CLEC2B: variants seen among roughly 807,000 people sequenced by gnomAD.
CLEC2B encodes C-type (calcium dependent, carbohydrate-recognition domain) lectin, superfamily member 2 (activation-induced).
In CLEC2B, 14 loss-of-function variants were observed where a neutral mutation model predicts 16.2. The observed-to-expected ratio is 0.86, with a 90% CI of 0.57 to 1.35. The LOEUF (loss-of-function observed/expected upper bound fraction) is 1.35, where lower values mean the gene tolerates loss of function less well. CLEC2B is among the 40% of genes most tolerant of loss of function. The pLI is 0.00. For synonymous variants in CLEC2B, 42 were observed against 55.8 expected, an observed-to-expected ratio of 0.75 and a Z score of 1.10; for missense variants, 166 against 182.3, an observed-to-expected ratio of 0.91 and a Z score of 0.52.
chr12:9,860,429 A>G (rs2136979337), intron 2 of CLEC2B, among the ~76,000 whole-genome samples: 1 of 151,940 alleles, frequency 6.6e-6, no homozygotes, highest in Non-Finnish European at 1.5e-5. Flanking sequence ...ATTGCATTAT[A>G]GCGCATTGAG....
At chr12:9,858,686 G>A (rs61914643) in intron 2 of CLEC2B, among the ~76,000 whole-genome samples, 21,297 of 151,626 alleles carry the variant, frequency 0.14, 1,567 homozygotes, top group Non-Finnish European at 0.16. Flanking sequence ...CATACACAGT[G>A]TGTATATATA....
At position 9,853,168 on chromosome 12, in the gene CLEC2B, T is replaced by C. The variant is rs1867863739; in HGVS notation, c.*132A>G. ...GCCAATCTTTGAAGTGGCTTTTATGTGTAGCCTGACACGTAAGCAGAATTA... is the reference window on the plus strand; with the variant it reads ...GCCAATCTTTGAAGTGGCTTTTATGCGTAGCCTGACACGTAAGCAGAATTA... On this transcript the variant is annotated 3_prime_UTR_variant, in exon 5 of 5. Coordinates refer to ENST00000228438, the MANE Select transcript of CLEC2B (RefSeq NM_005127.3). 4.3e-6 allele frequency: 3 copies of C among 692,938 alleles called. No homozygotes were observed. The highest frequency in any genetic ancestry group is 1.8e-5 in the African/African-American group (1 of 56,478). The allele number at this position is 692,938 out of a possible 1,614,324, so 42.9% of individuals were successfully genotyped here.
chr12:9,859,668 T>C (rs373875642), intron 2 of CLEC2B, among the ~76,000 whole-genome samples: 1 of 151,688 alleles, frequency 6.6e-6, no homozygotes, highest in African/African-American at 2.4e-5. Flanking sequence ...TTTCAGAAAA[T>C]AGGATAGGAG....
chr12:9,857,154 C>A, intron 3 of CLEC2B: 1 of 184,336 alleles, frequency 5.4e-6, no homozygotes. Context: ...ATGCAGAATC[C>A]CCTCCTTCCT....
intron 4 of CLEC2B, 55 bp from the exon 5 acceptor site, chr12:9,853,463 G>T: frequency 7.0e-7 from 1 of 1,429,758 alleles, no homozygotes; most frequent in South Asian, 1.2e-5. Flanking sequence ...CTTGCCCATG[G>T]ACACCTTTAA....
At chr12:9,864,307 G>A (rs11615049) in intron 1 of CLEC2B, among the ~76,000 whole-genome samples, 42,594 of 151,864 alleles carry the variant, frequency 0.28, 6,145 homozygotes, top group South Asian at 0.34. Context: ...AAATGCTAAA[G>A]GGAGTTCTTC....
intron 1 of CLEC2B, among the ~76,000 whole-genome samples, chr12:9,868,823 A>G (rs777329461): frequency 6.6e-6 from 1 of 152,154 alleles, no homozygotes; most frequent in Non-Finnish European, 1.5e-5. Context: ...ACCATCCAAT[A>G]AAGCAATCTT....
chr12:9,861,460 T>G (rs904392271), intron 2 of CLEC2B, among the ~76,000 whole-genome samples: 2 of 152,164 alleles, frequency 1.3e-5, no homozygotes, highest in South Asian at 4.1e-4. Context: ...GGAATTCTCA[T>G]ATACTTCTGC....
chr12:9,863,817 G>T (rs1327418154), intron 1 of CLEC2B, among the ~76,000 whole-genome samples: 1 of 152,086 alleles, frequency 6.6e-6, no homozygotes, highest in African/African-American at 2.4e-5. Context: ...TACTGCAAAA[G>T]ACCATATCTA....
At chr12:9,865,530 A>G (rs1297080653) in intron 1 of CLEC2B, among the ~76,000 whole-genome samples, 1 of 152,222 alleles carries the variant, frequency 6.6e-6, no homozygotes, top group Non-Finnish European at 1.5e-5. Flanking sequence ...ACATTCATTG[A>G]TCTAAAGGGA....
chr12:9,853,041 C>G lies in CLEC2B; in HGVS notation c.*259G>C. 1 of 170,036 alleles carries G rather than the reference C, an allele frequency of 5.9e-6. No homozygotes were observed. Among genetic ancestry groups the G allele is most frequent in the East Asian group, 1.3e-4 (1 of 7,458 alleles). 10.5% of individuals were successfully genotyped at this position (170,036 alleles called of 1,614,324 possible). A position where few individuals can be genotyped will look rare whatever the true frequency, so the allele number is the denominator to read the frequency against. ...TGTCCTTGATCCCCACAATTGTTTT[C>G]TGGTTTACAGTTAAAAAAAGAAAGA... On this transcript the variant is annotated 3_prime_UTR_variant, in exon 5 of 5. Coordinates refer to ENST00000228438, the MANE Select transcript of CLEC2B (RefSeq NM_005127.3).
At chr12:9,864,374 ATAAAAT>A (rs1346667908) in intron 1 of CLEC2B, among the ~76,000 whole-genome samples, 1 of 152,220 alleles carries the variant, frequency 6.6e-6, no homozygotes, top group Non-Finnish European at 1.5e-5. Flanking sequence ...AAATACACTG[ATAAAAT>A]TAAGTGTATG....
At chr12:9,864,954 A>G (rs893637083) in intron 1 of CLEC2B, among the ~76,000 whole-genome samples, 2 of 152,126 alleles carry the variant, frequency 1.3e-5, no homozygotes, top group Admixed American at 6.6e-5. Context: ...AGGCCAAGGC[A>G]GGCAGATCAT....
chr12:9,852,975 T>G lies in CLEC2B; in HGVS notation c.*325A>C. 4.4e-6 allele frequency: 1 copy of G among 227,402 alleles called. No individual in the cohort carries two copies. Among genetic ancestry groups the G allele is most frequent in the Non-Finnish European group, 8.8e-6 (1 of 113,866 alleles). 14.1% of individuals were successfully genotyped at this position (227,402 alleles called of 1,614,324 possible). A position where few individuals can be genotyped will look rare whatever the true frequency, so the allele number is the denominator to read the frequency against. The stretch of plus-strand genomic sequence containing the variant: ...ATCTCCTATTCTGGTACTCAAATTG[T>G]TCCATATTGGGTCATGAAAGTCCTG... On this transcript the variant is annotated 3_prime_UTR_variant, in exon 5 of 5. Coordinates refer to ENST00000228438, the MANE Select transcript of CLEC2B (RefSeq NM_005127.3).
chr12:9,862,375 AAT>A (rs940562501), intron 2 of CLEC2B, 122 bp downstream of exon 2: 20 of 866,568 alleles, frequency 2.3e-5, no homozygotes, highest in Non-Finnish European at 1.9e-5. Context: ...CATTTGTACC[AAT>A]TAAATGTTAT....
At chr12:9,866,387 C>G (rs1269856067) in intron 1 of CLEC2B, among the ~76,000 whole-genome samples, 1 of 151,894 alleles carries the variant, frequency 6.6e-6, no homozygotes, top group Non-Finnish European at 1.5e-5. Context: ...CTTGATCAAA[C>G]CTTTGTGGCA....
intron 1 of CLEC2B, among the ~76,000 whole-genome samples, chr12:9,868,078 T>C (rs1261809457): frequency 4.0e-5 from 6 of 150,456 alleles, no homozygotes; most frequent in Admixed American, 3.3e-4. Flanking sequence ...TTCAGATATA[T>C]ATGTATCTAT....
chr12:9,865,208 AGTTAAAGTGGCT>A (rs1867962328), intron 1 of CLEC2B, among the ~76,000 whole-genome samples: 1 of 150,700 alleles, frequency 6.6e-6, no homozygotes, highest in African/African-American at 2.4e-5. Flanking sequence ...AAAAGCATAA[AGTTAAAGTGGCT>A]GACTTGGTAA....
chr12:9,861,444 G>A (rs1867932089), intron 2 of CLEC2B, among the ~76,000 whole-genome samples: 1 of 152,078 alleles, frequency 6.6e-6, no homozygotes, highest in Non-Finnish European at 1.5e-5. Flanking sequence ...ATGGCATGGA[G>A]CAATTGGAAT....
Sources: allele counts gnomAD v4.1 joint callset (sites outside exome capture counted in the v4.1 genomes callset), GRCh38; gene constraint gnomAD v4.1.1; transcripts MANE v1.5; gene names NCBI Gene and HGNC (gene_info 2026-07-23, HGNC 2026-07-21).